The following PMP22 variants were observed in gnomAD, a reference collection of about 807,000 sequenced individuals.
The protein encoded by PMP22 is peripheral myelin protein 22, also known as Charcot-Marie-Tooth neuropathy 1A (greatly reduced nerve conduction velocity, hereditary motor sensory neuropathy Ia).
PMP22 carries 2 observed loss-of-function variants against 18.9 expected under a neutral mutation model. The ratio of observed to expected loss-of-function variants is 0.11; its 90% CI spans 0.04 to 0.33. PMP22 has a LOEUF of 0.33. PMP22 is among the 10% of genes least tolerant of loss of function. The pLI is 1.00. For missense variants in PMP22, 169 were observed against 202.2 expected (o/e 0.84, Z 1.00); for synonymous variants, 95 against 89.2 (o/e 1.07, Z -0.37).
chr17:15,237,865 G>A (rs995412841), intron 4 of PMP22, among the ~76,000 whole-genome samples: 9 of 152,056 alleles, frequency 5.9e-5, no homozygotes, highest in Admixed American at 3.3e-4. Context: ...CCCAATCATC[G>A]CTTATGAAAC....
Position 15,258,160 on chromosome 17 carries a change from T to C in PMP22, c.178+934A>G, listed in dbSNP as rs1908999352. 6.6e-6 allele frequency among the ~76,000 whole-genome samples: 1 copy of C among 152,172 alleles called. No homozygotes were observed. The highest frequency in any genetic ancestry group is 2.1e-4 in the South Asian group (1 of 4,826). On this transcript the variant is annotated intron_variant, in intron 3 of 4. Transcript: ENST00000312280. This position sits in a 1 kb window ranked among gnomAD's most constrained non-coding sequence, Gnocchi z 4.1. ...ATTTAAAGCTGTATTTCCGTGGCCT[T>C]TTAAACCCAGGATGTTAGGAAAGCT... is the stretch of plus-strand genomic sequence containing the variant.
chr17:15,241,956 A>G (rs1197373498), intron 3 of PMP22, among the ~76,000 whole-genome samples: 1 of 152,200 alleles, frequency 6.6e-6, no homozygotes, highest in Admixed American at 6.5e-5. Flanking sequence ...TTATATGTGA[A>G]TGGGTTCAAG....
At chr17:15,238,679 G>A (rs1397404195) in intron 4 of PMP22, among the ~76,000 whole-genome samples, 2 of 152,220 alleles carry the variant, frequency 1.3e-5, no homozygotes, top group Non-Finnish European at 2.9e-5. Flanking sequence ...GATGTAAGAT[G>A]TAAGATGTAA....
At chr17:15,233,731 G>A (rs1296544746) in intron 4 of PMP22, among the ~76,000 whole-genome samples, 1 of 152,204 alleles carries the variant, frequency 6.6e-6, no homozygotes, top group Admixed American at 6.5e-5. Context: ...TGTGTGTCTA[G>A]AAGACAGACA....
Position 15,259,191 on chromosome 17 carries a change from T to C in PMP22, c.81A>G (p.Gln27=). Residue 27 remains glutamine, a splice_region_variant and synonymous_variant, in exon 3 of 5, where the codon CAA becomes CAG. Transcript: ENST00000312280. ...VLLFVSTIVS[Q]WIVGNGHATD... Reference sequence around the variant, plus strand: ...TTGCGTGTCCATTGCCCACGATCCATTGCTAGAGAGAATCAGATAGATATC... The same window carrying C: ...TTGCGTGTCCATTGCCCACGATCCACTGCTAGAGAGAATCAGATAGATATC... 2 of 1,610,164 alleles carry C rather than the reference T, an allele frequency of 1.2e-6. No homozygotes were observed. Among genetic ancestry groups the C allele is most frequent in the South Asian group, 1.1e-5 (1 of 90,962 alleles).
intron 3 of PMP22, among the ~76,000 whole-genome samples, chr17:15,242,281 A>T (rs1318495545): frequency 4.0e-5 from 6 of 150,380 alleles, no homozygotes; most frequent in Admixed American, 2.0e-4. Context: ...AAAAAGAGAG[A>T]CATTGTAGCT....
rs1226634116 is a variant in PMP22 at position 15,230,590 on chromosome 17, A to G, written c.*327T>C. 7.1e-6 allele frequency: 2 copies of G among 282,974 alleles called. No homozygotes were observed. Among genetic ancestry groups the G allele is most frequent in the Non-Finnish European group, 1.4e-5 (2 of 147,306 alleles). 17.5% of individuals were successfully genotyped at this position (282,974 alleles called of 1,614,324 possible). A position where few individuals can be genotyped will look rare whatever the true frequency, so the allele number is the denominator to read the frequency against. The stretch of plus-strand genomic sequence containing the variant: ...GTAAAACAAAACAAACAAACAAAAA[A>G]CAAAACAAAAATACTGAGCTGGATT... On this transcript the variant is annotated 3_prime_UTR_variant, in exon 5 of 5. Coordinates refer to ENST00000312280, the MANE Select transcript of PMP22 (RefSeq NM_000304.4).
At chr17:15,262,418 A>G (rs554373778) in intron 1 of PMP22, 1 of 152,266 alleles carries the variant, frequency 6.6e-6, no homozygotes, top group African/African-American at 2.4e-5. Flanking sequence ...TCTCCCCACC[A>G]AATCACTTAC....
At chr17:15,250,206 C>A (rs1306339788) in intron 3 of PMP22, among the ~76,000 whole-genome samples, 1 of 152,214 alleles carries the variant, frequency 6.6e-6, no homozygotes. Flanking sequence ...GCGTGAGCCA[C>A]CGCGCCCAGC....
intron 3 of PMP22, among the ~76,000 whole-genome samples, chr17:15,246,410 G>T (rs190658447): frequency 5.8e-4 from 89 of 152,292 alleles, no homozygotes; most frequent in African/African-American, 2.1e-3. Context: ...GCTATTATCT[G>T]CCAAACTCTG....
chr17:15,259,396 T>C (rs1262782907), intron 2 of PMP22, among the ~76,000 whole-genome samples: 1 of 152,164 alleles, frequency 6.6e-6, no homozygotes, highest in African/African-American at 2.4e-5. Context: ...GAAACGATTA[T>C]GTGCAGAGAT....
intron 1 of PMP22, among the ~76,000 whole-genome samples, chr17:15,264,808 G>A (rs1443469147): frequency 6.6e-6 from 1 of 152,094 alleles, no homozygotes; most frequent in Admixed American, 6.6e-5. Context: ...TGCCACAGGT[G>A]GCAGCTTCTC....
At chr17:15,240,444 G>T (rs1025389763) in intron 3 of PMP22, among the ~76,000 whole-genome samples, 2 of 142,136 alleles carry the variant, frequency 1.4e-5, no homozygotes, top group Non-Finnish European at 3.0e-5. Flanking sequence ...TCTGATCATG[G>T]CCATTAGCCT....
intron 4 of PMP22, 93 bp from the exon 5 acceptor site, chr17:15,231,173 G>T (rs1906315724): frequency 8.0e-7 from 1 of 1,250,632 alleles, no homozygotes; most frequent in African/African-American, 1.5e-5. Flanking sequence ...TGCTGGGTAG[G>T]AAGAACATTT....
chr17:15,260,953 C>CGCCCAGT (rs1909288896), intron 1 of PMP22, 192 bp from the exon 2 acceptor site: 3 of 361,290 alleles, frequency 8.3e-6, no homozygotes, highest in African/African-American at 6.5e-5. Context: ...GCAGGACCAG[C>CGCCCAGT]GCCCAGTGCC....
Position 15,260,779 on chromosome 17 carries a change from G to A in PMP22, c.-34-18C>T. On this transcript the variant is annotated intron_variant, in intron 1 of 4. Transcript: ENST00000312280. ...GTTTCTGCCTGCGAGGAGAGCGCTG[G>A]GCGTGAGGCCGAACGCACTGGGCCG... is the stretch of plus-strand genomic sequence containing the variant. 1 of 1,481,942 alleles carries A rather than the reference G, an allele frequency of 6.7e-7. No individual in the cohort carries two copies. Among genetic ancestry groups the A allele is most frequent in the Admixed American group, 2.0e-5 (1 of 50,894 alleles). The allele number at this position is 1,481,942 out of a possible 1,614,324, so 91.8% of individuals were successfully genotyped here.
intron 4 of PMP22, among the ~76,000 whole-genome samples, chr17:15,238,206 CA>C (rs1276469973): frequency 6.6e-6 from 1 of 152,154 alleles, no homozygotes; most frequent in Non-Finnish European, 1.5e-5. Flanking sequence ...TTTGAAATCT[CA>C]AAACCATGAG....
At chr17:15,235,075 C>T in intron 4 of PMP22, 1 of 615,748 alleles carries the variant, frequency 1.6e-6, no homozygotes, top group Non-Finnish European at 2.9e-6. Flanking sequence ...TCACCTCAGT[C>T]TTTCAAAGTG....
rs149498732 is a variant in PMP22, at chr17:15,258,408, C to T, written c.178+686G>A. On this transcript the variant is annotated intron_variant, in intron 3 of 4. Transcript: ENST00000312280. This position sits in a 1 kb window ranked among gnomAD's most constrained non-coding sequence, Gnocchi z 4.1. ...CTTGGGTACCTAGTTGGTGCTTCTGCTGCCAATTATCCCTTAATTTGACCC... is the reference window on the plus strand; with the variant it reads ...CTTGGGTACCTAGTTGGTGCTTCTGTTGCCAATTATCCCTTAATTTGACCC... Among the ~76,000 whole-genome samples the T allele has an allele frequency of 3.2e-3, 485 of 152,258 alleles. 2 individuals carry two copies. The highest frequency in any genetic ancestry group is 4.9e-3 in the Non-Finnish European group (335 of 68,032).
Sources: gnomAD v4.1 joint callset for allele counts (sites outside exome capture counted in the v4.1 genomes callset) on GRCh38, gnomAD v4.1.1 for gene constraint, Gnocchi (gnomAD v3.1) non-coding constraint, MANE v1.5 for transcripts, NCBI Gene and HGNC (gene_info 2026-07-23, HGNC 2026-07-21) for gene names.